The following KCNT2 variants were observed in gnomAD, a reference collection of about 807,000 sequenced individuals.
KCNT2 encodes potassium channel subfamily T member 2.
Under a neutral mutation model 153.8 loss-of-function variants are expected in KCNT2, and 67 were observed. The observed-to-expected ratio is 0.44, with a 90% CI of 0.36 to 0.53. KCNT2 has a LOEUF of 0.53. KCNT2 is among the 20% of genes least tolerant of loss of function. The probability of loss-of-function intolerance (pLI) is 0.00; values close to 1 mark genes in which losing one functional copy is unlikely to be tolerated. For missense variants in KCNT2, 975 were observed against 1,354.8 expected (o/e 0.72, Z 4.40); for synonymous variants, 500 against 458.8 (o/e 1.09, Z -1.15).
intron 1 of KCNT2, among the ~76,000 whole-genome samples, chr1:196,523,454 C>T (rs1259730342): frequency 1.3e-5 from 2 of 152,062 alleles, no homozygotes; most frequent in African/African-American, 2.4e-5. Flanking sequence ...ACTGGTGACA[C>T]CTACAGACAT....
chr1:196,400,395 AATCCTGCTTT>A (rs1671309526), intron 12 of KCNT2, among the ~76,000 whole-genome samples: 1 of 151,692 alleles, frequency 6.6e-6, no homozygotes, highest in Non-Finnish European at 1.5e-5. Context: ...TAGGGGTTTT[AATCCTGCTTT>A]ATCCCTCAGT....
chr1:196,482,367 A>G lies in KCNT2; in HGVS notation c.288T>C (p.Phe96=). 6.4e-7 allele frequency: 1 copy of G among 1,565,662 alleles called. No homozygotes were observed. The highest frequency in any genetic ancestry group is 2.0e-5 in the Admixed American group (1 of 50,848). ...ACAAAGGTAGACTTCTGTTCACCCA[A>G]AAGATATGAGACCTATAAAAAGAAT... ...PSQGNEWSHI[F]WVNRSLPLWG... is the part of the protein sequence containing the mutation. The change falls in exon 4 of 28, where the codon TTT becomes TTC. Residue 96 remains phenylalanine (F), a synonymous_variant. Coordinates refer to ENST00000294725, the MANE Select transcript of KCNT2 (RefSeq NM_198503.5).
chr1:196,468,951 T>C, intron 6 of KCNT2, 43 bp downstream of exon 6: 1 of 1,139,752 alleles, frequency 8.8e-7, no homozygotes. Context: ...TTTACTTAAG[T>C]CTAATTACAA....
chr1:196,480,160 A>G (rs1029663119), intron 4 of KCNT2, among the ~76,000 whole-genome samples: 1 of 152,194 alleles, frequency 6.6e-6, no homozygotes, highest in African/African-American at 2.4e-5. Context: ...ATACTCTACA[A>G]CCTTAGGATA....
intron 1 of KCNT2, among the ~76,000 whole-genome samples, chr1:196,533,118 G>A (rs1449799235): frequency 1.3e-5 from 2 of 152,112 alleles, no homozygotes; most frequent in Non-Finnish European, 2.9e-5. Context: ...TTTTACTTTA[G>A]TGATCAAGGT....
chr1:196,286,142 G>A lies in KCNT2; in HGVS notation c.2596-384C>T, dbSNP rs112847810. Reference sequence around the variant, plus strand: ...GACCTGCTTTTAAATATTCTCATGGGTGAGAACAAAAAAATAGGGAGGTAG... The same window carrying A: ...GACCTGCTTTTAAATATTCTCATGGATGAGAACAAAAAAATAGGGAGGTAG... On this transcript the variant is annotated intron_variant, in intron 22 of 27. Coordinates refer to ENST00000294725, the MANE Select transcript of KCNT2 (RefSeq NM_198503.5). 6.9e-3 allele frequency among the ~76,000 whole-genome samples: 1,056 copies of A among 152,142 alleles called. 12 individuals are homozygous for A. The highest frequency in any genetic ancestry group is 0.022 in the African/African-American group (896 of 41,510).
At chr1:196,368,874 A>C (rs1668262192) in intron 14 of KCNT2, among the ~76,000 whole-genome samples, 2 of 152,126 alleles carry the variant, frequency 1.3e-5, no homozygotes, top group Admixed American at 1.3e-4. Context: ...TTCATCAGAA[A>C]GCAAATACAT....
intron 12 of KCNT2, among the ~76,000 whole-genome samples, chr1:196,421,864 G>A (rs552784881): frequency 6.6e-6 from 1 of 152,062 alleles, no homozygotes; most frequent in Admixed American, 6.6e-5. Flanking sequence ...CTCTCTCCTT[G>A]GCATGTATAT....
At chr1:196,312,918 G>A (rs755907635) in intron 21 of KCNT2, among the ~76,000 whole-genome samples, 1 of 151,638 alleles carries the variant, frequency 6.6e-6, no homozygotes. Context: ...GAGGGTAACT[G>A]GATCCTACCT....
At chr1:196,521,492 T>C (rs1397449231) in intron 1 of KCNT2, among the ~76,000 whole-genome samples, 2 of 152,176 alleles carry the variant, frequency 1.3e-5, no homozygotes, top group Non-Finnish European at 2.9e-5. Context: ...TGGAGATACA[T>C]GCACCCACAT....
chr1:196,289,437 T>G (rs1295411136), intron 22 of KCNT2, among the ~76,000 whole-genome samples: 1 of 152,248 alleles, frequency 6.6e-6, no homozygotes, highest in Middle Eastern at 3.4e-3. Context: ...ACTTACACAA[T>G]GCCTAACACA....
intron 1 of KCNT2, among the ~76,000 whole-genome samples, chr1:196,563,445 A>G (rs1659681303): frequency 9.8e-6 from 1 of 101,570 alleles, no homozygotes; most frequent in African/African-American, 3.8e-5. Flanking sequence ...TAACAAAAAA[A>G]AAAAAGAAAA....
intron 3 of KCNT2, among the ~76,000 whole-genome samples, chr1:196,485,686 C>G (rs897949897): frequency 6.6e-6 from 1 of 151,524 alleles, no homozygotes; most frequent in African/African-American, 2.4e-5. Flanking sequence ...AAAGAGATCT[C>G]CAATGGAAAG....
chr1:196,424,885 CAT>C (rs938455797), intron 11 of KCNT2, among the ~76,000 whole-genome samples: 13 of 151,710 alleles, frequency 8.6e-5, no homozygotes, highest in East Asian at 2.0e-4. Flanking sequence ...CACACACACA[CAT>C]ACACACACAC....
At chr1:196,563,456 AAG>A (rs1244778446) in intron 1 of KCNT2, among the ~76,000 whole-genome samples, 7 of 82,110 alleles carry the variant, frequency 8.5e-5, no homozygotes, top group African/African-American at 3.4e-4. Flanking sequence ...AAAAAGAAAA[AAG>A]AAAAAAAAAA....
chr1:196,358,699 CT>C (rs1438754657), intron 14 of KCNT2, among the ~76,000 whole-genome samples: 2 of 151,710 alleles, frequency 1.3e-5, no homozygotes, highest in African/African-American at 4.8e-5. Context: ...TTAAACAAAT[CT>C]ATGTTTACTA....
intron 12 of KCNT2, among the ~76,000 whole-genome samples, chr1:196,411,446 T>TAAAA (rs35196093): frequency 7.3e-5 from 7 of 96,300 alleles, no homozygotes; most frequent in African/African-American, 2.2e-4. Flanking sequence ...CTATTCCAGT[T>TAAAA]AAAAAAAAAA....
At chr1:196,516,985 C>G (rs537434302) in intron 1 of KCNT2, among the ~76,000 whole-genome samples, 3 of 152,186 alleles carry the variant, frequency 2.0e-5, no homozygotes, top group Admixed American at 1.3e-4. Context: ...AACCACCCCC[C>G]AGCTGGGACT....
At chr1:196,539,577 A>G (rs1656062905) in intron 1 of KCNT2, among the ~76,000 whole-genome samples, 1 of 152,290 alleles carries the variant, frequency 6.6e-6, no homozygotes, top group African/African-American at 2.4e-5. Flanking sequence ...AATGGTATAC[A>G]GTATTCAGTT....
Sources: allele counts gnomAD v4.1 joint callset (sites outside exome capture counted in the v4.1 genomes callset), GRCh38; gene constraint gnomAD v4.1.1; transcripts MANE v1.5; gene names NCBI Gene and HGNC (gene_info 2026-07-23, HGNC 2026-07-21).